LRP2: variants seen among roughly 807,000 people sequenced by gnomAD.
LRP2 encodes the protein low-density lipoprotein receptor-related protein 2.
LRP2 carries 172 observed loss-of-function variants against 531.0 expected under a neutral mutation model. The ratio of observed to expected loss-of-function variants is 0.32; its 90% CI spans 0.29 to 0.37. The LOEUF is 0.37. Ranked by LOEUF, LRP2 falls within the 10% of genes least tolerant of loss-of-function variation. The pLI is 1.00. For synonymous variants in LRP2, 1,992 were observed against 2,027.6 expected (o/e 0.98, Z 0.47); for missense variants, 5,167 against 5,868.3 (o/e 0.88, Z 3.90).
At position 169,137,511 on chromosome 2, in the gene LRP2, AAGAGAGAGAG is replaced by A; in HGVS notation, c.13519-28_13519-19del. 3 of 1,275,212 alleles carry A rather than the reference AAGAGAGAGAG, an allele frequency of 2.4e-6. No individual in the cohort carries two copies. The highest frequency in any genetic ancestry group is 1.2e-5 in the South Asian group (1 of 83,656). 79.0% of individuals were successfully genotyped at this position (1,275,212 alleles called of 1,614,324 possible). ...TCTTCACTCTGATGGCAGAGACAGA[AAGAGAGAGAG>A]AGAGAGAGAGAGAAACAGAGAGAGA... is the stretch of plus-strand genomic sequence containing the variant. On this transcript the variant is annotated intron_variant, in intron 75 of 78. Transcript: ENST00000649046.
At chr2:169,200,646 C>T (rs1688174954) in intron 44 of LRP2, among the ~76,000 whole-genome samples, 1 of 152,238 alleles carries the variant, frequency 6.6e-6, no homozygotes, top group African/African-American at 2.4e-5. Context: ...GTTAATTCTC[C>T]TTTGTCACCA....
chr2:169,205,374 C>A, intron 41 of LRP2, 105 bp downstream of exon 41: 1 of 1,242,630 alleles, frequency 8.0e-7, no homozygotes. Context: ...CTGGCAATGT[C>A]TATCTGGCAT....
chr2:169,133,190 T>C (rs1242896798), intron 76 of LRP2, among the ~76,000 whole-genome samples: 1 of 152,262 alleles, frequency 6.6e-6, no homozygotes, highest in African/African-American at 2.4e-5. Flanking sequence ...GGTTGAATTT[T>C]TGAAAAGATG....
intron 19 of LRP2, among the ~76,000 whole-genome samples, chr2:169,248,737 C>T (rs1158829395): frequency 7.3e-6 from 1 of 136,362 alleles, no homozygotes; most frequent in Non-Finnish European, 1.6e-5. Context: ...GTTCATCTCA[C>T]TAGGGAGTGC....
Position 169,236,048 on chromosome 2 carries a change from G to C in LRP2, c.4712C>G (p.Ser1571Cys). 6.2e-7 allele frequency: 1 copy of C among 1,613,900 alleles called. No individual in the cohort carries two copies. The highest frequency in any genetic ancestry group is 8.5e-7 in the Non-Finnish European group (1 of 1,179,868). The change falls in exon 29 of 79, where the codon TCT becomes TGT. Residue 1571 changes from serine to cysteine, a missense_variant. Transcript: ENST00000649046. ...PRMNEHLLFWSDWGHHPRIER... is the reference protein window; with the variant it reads ...PRMNEHLLFWCDWGHHPRIER... ...GATGCGAGGGTGGTGGCCCCAGTCA[G>C]ACCAGAACAGTAGATGCTCACTGGG... is the stretch of plus-strand genomic sequence containing the variant.
intron 45 of LRP2, 46 bp from the exon 46 acceptor site, chr2:169,197,076 T>C: frequency 6.2e-7 from 1 of 1,608,332 alleles, no homozygotes; most frequent in East Asian, 2.2e-5. Context: ...AACACAAGCA[T>C]GTTCCCATCA....
chr2:169,194,165 T>A (rs1252745023), intron 46 of LRP2, among the ~76,000 whole-genome samples: 5 of 152,186 alleles, frequency 3.3e-5, no homozygotes, highest in Admixed American at 3.3e-4. Context: ...AGAACACTTC[T>A]TTTCCCAGGA....
intron 3 of LRP2, among the ~76,000 whole-genome samples, chr2:169,315,073 G>A (rs994952807): frequency 8.5e-5 from 13 of 152,100 alleles, no homozygotes; most frequent in African/African-American, 2.9e-4. Context: ...GGCTTACGAA[G>A]AAGCAATTAA....
intron 51 of LRP2, among the ~76,000 whole-genome samples, 160 bp from the exon 52 acceptor site, chr2:169,181,778 C>A (rs992349581): frequency 6.8e-6 from 1 of 146,448 alleles, no homozygotes; most frequent in Non-Finnish European, 1.5e-5. Context: ...GAGCTAACAG[C>A]AAATAATCTA....
intron 1 of LRP2, among the ~76,000 whole-genome samples, chr2:169,360,530 A>C (rs940280465): frequency 1.3e-5 from 2 of 152,164 alleles, no homozygotes; most frequent in Non-Finnish European, 2.9e-5. Context: ...CCCAGGAAAA[A>C]GAATATCTGT....
chr2:169,220,671 A>G, intron 33 of LRP2, 108 bp from the exon 34 acceptor site: 1 of 728,870 alleles, frequency 1.4e-6, no homozygotes, highest in Non-Finnish European at 2.5e-6. Flanking sequence ...ACGATTAGGG[A>G]TGGATGAGAG....
intron 27 of LRP2, among the ~76,000 whole-genome samples, chr2:169,237,742 T>C (rs1470966859): frequency 6.6e-6 from 1 of 152,084 alleles, no homozygotes. Context: ...GATTGAGAAA[T>C]ATCACTAAAT....
chr2:169,220,692 T>A (rs1174401627), intron 33 of LRP2, 129 bp from the exon 34 acceptor site: 2 of 693,838 alleles, frequency 2.9e-6, no homozygotes, highest in African/African-American at 1.8e-5. Flanking sequence ...AGGATTTGCA[T>A]GAGATTCAGA....
In LRP2 at chr2:169,143,507, G is replaced by A. The variant is rs559630914; in HGVS notation, c.12989-714C>T. ...AATACAAAAAAAAAATTAGCTGGGC[G>A]TGGTGGCGGGCACCTGTAGTCCCAG... On this transcript the variant is annotated intron_variant, in intron 70 of 78. Coordinates refer to ENST00000649046, the MANE Select transcript of LRP2 (RefSeq NM_004525.3). Among the ~76,000 whole-genome samples, 118 of 152,134 alleles carry A rather than the reference G, an allele frequency of 7.8e-4. 1 individual carries two copies. Among genetic ancestry groups the A allele is most frequent in the Admixed American group, 2.3e-3 (35 of 15,284 alleles).
intron 33 of LRP2, among the ~76,000 whole-genome samples, 155 bp downstream of exon 33, chr2:169,225,155 C>A (rs557397554): frequency 3.8e-4 from 58 of 151,914 alleles, no homozygotes; most frequent in Non-Finnish European, 6.6e-4. Flanking sequence ...TTTCCTCTTT[C>A]ACTTCAGAGA....
chr2:169,132,913 C>A (rs1410421179), intron 76 of LRP2, among the ~76,000 whole-genome samples: 2 of 152,106 alleles, frequency 1.3e-5, no homozygotes, highest in African/African-American at 2.4e-5. Flanking sequence ...TCCTGGGAGG[C>A]AAATACATCC....
intron 1 of LRP2, among the ~76,000 whole-genome samples, chr2:169,324,038 C>T (rs1042184592): frequency 1.3e-5 from 2 of 152,124 alleles, no homozygotes; most frequent in Non-Finnish European, 2.9e-5. Context: ...ATAGATGGTG[C>T]AAAGATGAAA....
intron 16 of LRP2, among the ~76,000 whole-genome samples, chr2:169,267,463 A>G (rs1486835018): frequency 6.6e-6 from 1 of 152,064 alleles, no homozygotes. Context: ...ACTCAAAACC[A>G]CTCAACTACA....
intron 12 of LRP2, 121 bp downstream of exon 12, chr2:169,279,250 TA>T: frequency 1.3e-6 from 1 of 746,232 alleles, no homozygotes; most frequent in Non-Finnish European, 2.4e-6. Context: ...ACATGGCTTC[TA>T]GAGTATACAG....
Sources: gnomAD v4.1 joint callset for allele counts (sites outside exome capture counted in the v4.1 genomes callset) on GRCh38, gnomAD v4.1.1 for gene constraint, MANE v1.5 for transcripts, NCBI Gene and HGNC (gene_info 2026-07-23, HGNC 2026-07-21) for gene names.